Variants in DACH2 observed in about 807,000 individuals in gnomAD.
The protein encoded by DACH2 is dachshund homolog 2.
Under a neutral mutation model 35.8 loss-of-function variants are expected in DACH2, and 17 were observed. That is an observed-to-expected ratio of 0.48 (90% confidence interval 0.33 to 0.71). The LOEUF (loss-of-function observed/expected upper bound fraction) is 0.71. Ranked by LOEUF, DACH2 falls within the 30% of genes least tolerant of loss-of-function variation. The probability of loss-of-function intolerance (pLI) is 0.02; values close to 1 mark genes in which losing one functional copy is unlikely to be tolerated. For synonymous variants in DACH2, 195 were observed against 177.3 expected (o/e 1.10, Z -0.79); for missense variants, 469 against 472.7 (o/e 0.99, Z 0.07).
chrX:86,627,713 T>G (rs1569455572), intron 3 of DACH2, among the ~76,000 whole-genome samples: 1 of 112,187 alleles, frequency 8.9e-6, no homozygotes, highest in African/African-American at 3.2e-5. Flanking sequence ...TTTAATTTTA[T>G]GTACTCATTA....
intron 1 of DACH2, among the ~76,000 whole-genome samples, chrX:86,228,738 A>T (rs1270449096): frequency 1.8e-5 from 2 of 110,595 alleles, no homozygotes; most frequent in Non-Finnish European, 3.8e-5. Context: ...TTTTTCATGT[A>T]TTTTTTGGCC....
At chrX:86,672,724 G>T (rs1364432325) in intron 4 of DACH2, among the ~76,000 whole-genome samples, 1 of 111,804 alleles carries the variant, frequency 8.9e-6, no homozygotes, top group African/African-American at 3.3e-5. Context: ...CACTACAGTG[G>T]CAGAATCCTC....
At chrX:86,175,673 G>A (rs1013428441) in intron 1 of DACH2, among the ~76,000 whole-genome samples, 1 of 111,438 alleles carries the variant, frequency 9.0e-6, no homozygotes. Flanking sequence ...GAGTGGATGG[G>A]ATCCGATGTA....
At chrX:86,533,590 A>G (rs760792344) in intron 3 of DACH2, among the ~76,000 whole-genome samples, 4 of 111,977 alleles carry the variant, frequency 3.6e-5, no homozygotes, top group African/African-American at 9.7e-5. Context: ...AAATCGTATT[A>G]TTTTTTGACA....
At chrX:86,464,965 C>T (rs781186129) in intron 2 of DACH2, among the ~76,000 whole-genome samples, 15 of 111,956 alleles carry the variant, frequency 1.3e-4, no homozygotes, top group East Asian at 8.5e-4. Flanking sequence ...ATTTAGTTTG[C>T]GGTTTCTCTC....
intron 2 of DACH2, among the ~76,000 whole-genome samples, chrX:86,489,065 C>T (rs956991116): frequency 1.8e-5 from 2 of 111,677 alleles, no homozygotes; most frequent in Non-Finnish European, 3.8e-5. Context: ...TATTCCCATA[C>T]TGAGATCTTA....
At chrX:86,721,951 C>T (rs2041411467) in intron 6 of DACH2, among the ~76,000 whole-genome samples, 1 of 110,855 alleles carries the variant, frequency 9.0e-6, no homozygotes, top group African/African-American at 3.3e-5. Flanking sequence ...TGGGGGAAAC[C>T]ACCCCCATGA....
chrX:86,233,939 G>A (rs966639549), intron 1 of DACH2, among the ~76,000 whole-genome samples: 1 of 112,008 alleles, frequency 8.9e-6, no homozygotes, highest in African/African-American at 3.2e-5. Flanking sequence ...CAACACGTGA[G>A]AATTATGGGA....
chrX:86,233,554 G>T (rs2032994653), intron 1 of DACH2, among the ~76,000 whole-genome samples: 1 of 111,729 alleles, frequency 9.0e-6, no homozygotes, highest in Admixed American at 9.5e-5. Flanking sequence ...AATCTCATCT[G>T]CTCTAGGGTG....
intron 2 of DACH2, among the ~76,000 whole-genome samples, chrX:86,397,672 T>C (rs1454402048): frequency 8.0e-5 from 9 of 112,190 alleles, no homozygotes; most frequent in Non-Finnish European, 1.5e-4. Context: ...TCTTTGGTTC[T>C]GTTTATATGC....
chrX:86,205,448 C>G, intron 1 of DACH2, among the ~76,000 whole-genome samples: 1 of 28,376 alleles, frequency 3.5e-5, no homozygotes, highest in African/African-American at 4.4e-4. Flanking sequence ...CTCCCTCCCT[C>G]CCTCCCTCCC....
intron 6 of DACH2, among the ~76,000 whole-genome samples, chrX:86,733,619 G>A (rs1182401587): frequency 1.8e-5 from 2 of 111,665 alleles, no homozygotes; most frequent in Admixed American, 1.9e-4. Flanking sequence ...GTGTCTTACA[G>A]TACATTTTTC....
At chrX:86,609,548 G>C (rs1013578541) in intron 3 of DACH2, among the ~76,000 whole-genome samples, 1 of 111,869 alleles carries the variant, frequency 8.9e-6, no homozygotes, top group Admixed American at 9.5e-5. Context: ...AGTTATTAAA[G>C]AGTTGATTAT....
chrX:86,700,534 T>TAAAAAAA (rs142564628), intron 5 of DACH2, among the ~76,000 whole-genome samples: 1 of 102,427 alleles, frequency 9.8e-6, no homozygotes. Context: ...TAACCCCAGT[T>TAAAAAAA]AAAAAAAAAA....
chrX:86,523,283 T>C (rs1343670909), intron 3 of DACH2, among the ~76,000 whole-genome samples: 2 of 111,007 alleles, frequency 1.8e-5, no homozygotes, highest in Non-Finnish European at 3.8e-5. Context: ...TCTCATAATA[T>C]AAGGCCAATT....
At chrX:86,622,901 GA>G (rs952331080) in intron 3 of DACH2, among the ~76,000 whole-genome samples, 12 of 109,765 alleles carry the variant, frequency 1.1e-4, no homozygotes, top group African/African-American at 1.4e-4. Context: ...GAATTAAAAA[GA>G]AAAAAAACTG....
At chrX:86,740,310 T>A (rs2041640351) in intron 7 of DACH2, among the ~76,000 whole-genome samples, 1 of 110,958 alleles carries the variant, frequency 9.0e-6, no homozygotes, top group Admixed American at 9.6e-5. Context: ...CACAAATATT[T>A]AACAGGATTT....
chrX:86,305,352 A>G (rs191772102), intron 1 of DACH2, among the ~76,000 whole-genome samples: 1 of 111,999 alleles, frequency 8.9e-6, no homozygotes, highest in Admixed American at 9.5e-5. Flanking sequence ...AATTTTGTAT[A>G]TATTACACTG....
chrX:86,428,912 A>G (rs1482462540), intron 2 of DACH2, among the ~76,000 whole-genome samples: 1 of 111,492 alleles, frequency 9.0e-6, no homozygotes, highest in African/African-American at 3.3e-5. Context: ...AAAGTTCAGT[A>G]ACAAAGGACT....
Sources: gnomAD v4.1 joint callset for allele counts (sites outside exome capture counted in the v4.1 genomes callset) on GRCh38, gnomAD v4.1.1 for gene constraint, MANE v1.5 for transcripts, NCBI Gene and HGNC (gene_info 2026-07-23, HGNC 2026-07-21) for gene names.